CTCF: variants seen among roughly 807,000 people sequenced by gnomAD.
The protein encoded by CTCF is transcriptional repressor CTCF.
CTCF carries 7 observed loss-of-function variants against 72.3 expected under a neutral mutation model. The ratio of observed to expected loss-of-function variants is 0.10; its 90% CI spans 0.06 to 0.18. CTCF has a LOEUF of 0.18. Among genes scored for constraint, CTCF ranks in the 10% least tolerant of loss-of-function variants. CTCF has a pLI of 1.00. For missense variants in CTCF, 516 were observed against 949.1 expected, an observed-to-expected ratio of 0.54 and a Z score of 6.00; for synonymous variants, 374 against 315.8, an observed-to-expected ratio of 1.18 and a Z score of -1.95.
intron 2 of CTCF, among the ~76,000 whole-genome samples, chr16:67,575,925 A>G (rs1417434239): frequency 6.6e-6 from 1 of 151,780 alleles, no homozygotes; most frequent in Non-Finnish European, 1.5e-5. Context: ...TGCAAGGGAT[A>G]TAAAACCCTA....
At chr16:67,603,867 GC>G (rs1482852647) in intron 2 of CTCF, among the ~76,000 whole-genome samples, 1 of 150,292 alleles carries the variant, frequency 6.7e-6, no homozygotes, top group Non-Finnish European at 1.5e-5. Context: ...GGTGGTTTAT[GC>G]CTGTAATCCT....
chr16:67,569,403 C>CTCAA (rs2051383926), intron 1 of CTCF, among the ~76,000 whole-genome samples: 1 of 151,714 alleles, frequency 6.6e-6, no homozygotes, highest in Non-Finnish European at 1.5e-5. Flanking sequence ...CCAGGATGGT[C>CTCAA]TCAATCTCTT....
intron 5 of CTCF, among the ~76,000 whole-genome samples, chr16:67,618,400 C>T (rs1439667193): frequency 6.6e-6 from 1 of 152,070 alleles, no homozygotes; most frequent in African/African-American, 2.4e-5. Context: ...GACTCCCCCT[C>T]AAAAAAATTT....
At chr16:67,604,374 C>T (rs906037807) in intron 2 of CTCF, among the ~76,000 whole-genome samples, 15 of 152,156 alleles carry the variant, frequency 9.9e-5, no homozygotes, top group East Asian at 1.9e-4. Context: ...GACAGAGTCT[C>T]GCTCTGTTGC....
chr16:67,618,733 A>G (rs1426938087), intron 5 of CTCF, among the ~76,000 whole-genome samples: 1 of 152,242 alleles, frequency 6.6e-6, no homozygotes, highest in Non-Finnish European at 1.5e-5. Flanking sequence ...CAATAGTGAT[A>G]GGAAGGTATG....
At chr16:67,565,673 C>CAAAAA (rs201956341) in intron 1 of CTCF, among the ~76,000 whole-genome samples, 16 of 62,126 alleles carry the variant, frequency 2.6e-4, no homozygotes, top group African/African-American at 7.4e-4. Flanking sequence ...ACTCTTATCT[C>CAAAAA]AAAAAAAAAA....
chr16:67,601,385 C>A (rs929363495), intron 2 of CTCF, among the ~76,000 whole-genome samples: 1 of 150,888 alleles, frequency 6.6e-6, no homozygotes, highest in African/African-American at 2.4e-5. Context: ...GTCACCCAGC[C>A]TGGAGTGCAG....
At chr16:67,633,239 C>G (rs982757667) in intron 10 of CTCF, among the ~76,000 whole-genome samples, 7 of 145,772 alleles carry the variant, frequency 4.8e-5, no homozygotes, top group African/African-American at 2.0e-4. Context: ...AAATGAGTTC[C>G]GTGAGTCCTG....
Position 67,611,190 on chromosome 16 carries a change from G to A in CTCF, c.358G>A (p.Val120Ile). ...AGAACTTCAGCTTGTTCAAGTACCTGTTCCTGTGACTGTACCTGTTGCTAC... is the reference window on the plus strand; with the variant it reads ...AGAACTTCAGCTTGTTCAAGTACCTATTCCTGTGACTGTACCTGTTGCTAC... ...IGELQLVQVP[V>I]PVTVPVATTS... Residue 120 changes from valine to isoleucine, a missense_variant, in exon 3 of 12, where the codon GTT becomes ATT. By Grantham distance (29) the Val-to-Ile change is conservative. This residue lies in a region of CTCF where 148 missense variants were observed against 194.9 expected (regional missense o/e 0.76). Coordinates refer to ENST00000264010, the MANE Select transcript of CTCF (RefSeq NM_006565.4). The A allele has an allele frequency of 6.2e-7, 1 of 1,614,176 alleles. No individual in the cohort carries two copies. Among genetic ancestry groups the A allele is most frequent in the Non-Finnish European group, 8.5e-7 (1 of 1,180,030 alleles).
rs145106549 is a variant in CTCF, at chr16:67,564,541, C to G, written c.-127+1817C>G. On this transcript the variant is annotated intron_variant, in intron 1 of 11. Transcript: ENST00000264010. ...TAAAATTGCATAGAGTAACTAAATG[C>G]AGTAGCGTTGATTGATAGTTAGACT... 3.0e-3 allele frequency among the ~76,000 whole-genome samples: 464 copies of G among 152,286 alleles called. 3 individuals carry two copies. Among genetic ancestry groups the G allele is most frequent in the African/African-American group, 0.011 (439 of 41,538 alleles).
intron 2 of CTCF, among the ~76,000 whole-genome samples, chr16:67,607,916 G>A (rs2051998633): frequency 6.6e-6 from 1 of 150,850 alleles, no homozygotes; most frequent in Admixed American, 6.6e-5. Flanking sequence ...CTACTCCGGA[G>A]GCTGAAGCAG....
intron 8 of CTCF, 58 bp from the exon 9 acceptor site, chr16:67,628,312 A>G: frequency 6.6e-7 from 1 of 1,515,554 alleles, no homozygotes; most frequent in African/African-American, 1.4e-5. Context: ...TGCAGGTGGC[A>G]GCTGGGGCAG....
At chr16:67,632,673 C>A (rs562136184) in intron 10 of CTCF, among the ~76,000 whole-genome samples, 1 of 152,070 alleles carries the variant, frequency 6.6e-6, no homozygotes, top group African/African-American at 2.4e-5. Context: ...TCTGACTGAA[C>A]TTGTTTAGTT....
At chr16:67,599,119 G>A (rs1028443505) in intron 2 of CTCF, among the ~76,000 whole-genome samples, 9 of 152,198 alleles carry the variant, frequency 5.9e-5, no homozygotes, top group East Asian at 5.8e-4. Context: ...TGAAGCGGCC[G>A]AATGTGGTGG....
chr16:67,608,652 T>G (rs1175400650), intron 2 of CTCF, among the ~76,000 whole-genome samples: 2 of 152,192 alleles, frequency 1.3e-5, no homozygotes, highest in African/African-American at 4.8e-5. Context: ...CATTATGCAC[T>G]TTGAATTATG....
chr16:67,573,509 A>G (rs145786908), intron 2 of CTCF, among the ~76,000 whole-genome samples: 38 of 152,314 alleles, frequency 2.5e-4, no homozygotes, highest in African/African-American at 7.7e-4. Flanking sequence ...TGAAAACTGT[A>G]TGATTAAGAT....
chr16:67,584,040 T>TG (rs2051626446), intron 2 of CTCF, among the ~76,000 whole-genome samples: 1 of 152,148 alleles, frequency 6.6e-6, no homozygotes, highest in African/African-American at 2.4e-5. Context: ...CTTTGCTTCA[T>TG]GCTTGTGTGC....
chr16:67,564,189 C>T (rs1311647866), intron 1 of CTCF, among the ~76,000 whole-genome samples: 1 of 152,216 alleles, frequency 6.6e-6, no homozygotes, highest in African/African-American at 2.4e-5. Flanking sequence ...CTTAAGTTTT[C>T]TTTCTTCACT....
chr16:67,586,687 T>C (rs894476144), intron 2 of CTCF, among the ~76,000 whole-genome samples: 1 of 152,182 alleles, frequency 6.6e-6, no homozygotes, highest in Non-Finnish European at 1.5e-5. Context: ...TCTTTTGTTG[T>C]TTAAACTTCT....
Sources: allele counts gnomAD v4.1 joint callset (sites outside exome capture counted in the v4.1 genomes callset), GRCh38; gene constraint gnomAD v4.1.1; regional missense constraint gnomAD v4.1.1; transcripts MANE v1.5; gene names NCBI Gene and HGNC (gene_info 2026-07-23, HGNC 2026-07-21).